CYRIB: variants seen among roughly 807,000 people sequenced by gnomAD.
CYRIB encodes CYFIP related Rac1 interactor B, also known as CYFIP-related Rac1 interactor B.
Under a neutral mutation model 44.2 loss-of-function variants are expected in CYRIB, and 8 were observed. That is an observed-to-expected ratio of 0.18 (90% CI 0.11 to 0.33). The LOEUF is 0.33. Among genes scored for constraint, CYRIB ranks in the 10% least tolerant of loss-of-function variants. The pLI is 1.00. For missense variants in CYRIB, 185 were observed against 382.8 expected, an observed-to-expected ratio of 0.48 and a Z score of 4.31; for synonymous variants, 131 against 127.2, an observed-to-expected ratio of 1.03 and a Z score of -0.20.
chr8:129,910,477 CTTTT>C (rs1171288097), intron 1 of CYRIB, among the ~76,000 whole-genome samples: 2 of 110,648 alleles, frequency 1.8e-5, no homozygotes, highest in African/African-American at 3.4e-5. Flanking sequence ...CCTTCTTTCA[CTTTT>C]TTTTTTTTTT....
At chr8:129,899,697 G>A (rs1440310067) in intron 2 of CYRIB, among the ~76,000 whole-genome samples, 1 of 152,180 alleles carries the variant, frequency 6.6e-6, no homozygotes, top group Admixed American at 6.5e-5. Flanking sequence ...ATTCAGGGAG[G>A]TAAAGGAAGA....
At chr8:130,008,861 G>A (rs1380018879) in intron 1 of CYRIB, among the ~76,000 whole-genome samples, 2 of 152,146 alleles carry the variant, frequency 1.3e-5, no homozygotes, top group Non-Finnish European at 2.9e-5. Flanking sequence ...TCACTTCCAC[G>A]TCGTCTTCTG....
chr8:129,923,524 C>G (rs1458606036), intron 1 of CYRIB, among the ~76,000 whole-genome samples: 1 of 152,096 alleles, frequency 6.6e-6, no homozygotes, highest in African/African-American at 2.4e-5. Context: ...ATCCACCCAC[C>G]TAAGCGTCCC....
chr8:129,851,484 A>C (rs1231300344), intron 8 of CYRIB: 1 of 153,364 alleles, frequency 6.5e-6, no homozygotes, highest in East Asian at 1.9e-4. Context: ...TGTTTGATGG[A>C]ATACATGTAG....
intron 1 of CYRIB, among the ~76,000 whole-genome samples, chr8:129,991,706 T>C (rs768074651): frequency 5.9e-5 from 9 of 151,894 alleles, no homozygotes; most frequent in Non-Finnish European, 1.3e-4. Context: ...TCCCAGCACT[T>C]TGGGAGGCCG....
chr8:129,856,353 G>C (rs2046216960), intron 5 of CYRIB, among the ~76,000 whole-genome samples: 1 of 152,094 alleles, frequency 6.6e-6, no homozygotes, highest in Non-Finnish European at 1.5e-5. Flanking sequence ...TGGTCCCTTT[G>C]AAATAAGTGC....
chr8:129,967,750 T>C (rs2095543126), intron 2 of CYRIB, among the ~76,000 whole-genome samples: 1 of 152,230 alleles, frequency 6.6e-6, no homozygotes, highest in African/African-American at 2.4e-5. Context: ...ACTGAGGGTA[T>C]ACCACCCTCC....
intron 1 of CYRIB, among the ~76,000 whole-genome samples, chr8:130,006,660 A>ATATATACACATATATATG (rs1564801126): frequency 1.9e-5 from 1 of 51,834 alleles, no homozygotes; most frequent in African/African-American, 1.3e-4. Context: ...ACATATATAT[A>ATATATACACATATATATG]TGTATATATA....
intron 1 of CYRIB, among the ~76,000 whole-genome samples, chr8:129,983,703 AGGGATGCGGGGACGCTGGGGACGCG>A (rs1241541000): frequency 7.2e-5 from 11 of 152,240 alleles, no homozygotes; most frequent in Non-Finnish European, 1.2e-4. Flanking sequence ...CACCAGCCAC[AGGGATGCGGGGACGCTGGGGACGCG>A]GGGATGCGGG....
chr8:129,883,405 G>A (rs913316917), intron 2 of CYRIB, among the ~76,000 whole-genome samples: 1 of 151,936 alleles, frequency 6.6e-6, no homozygotes, highest in East Asian at 1.9e-4. Context: ...GCAAAAATTC[G>A]CTCTACCACA....
At chr8:129,948,379 C>A (rs2131207864) in intron 2 of CYRIB, among the ~76,000 whole-genome samples, 1 of 152,258 alleles carries the variant, frequency 6.6e-6, no homozygotes, top group South Asian at 2.1e-4. Flanking sequence ...GCAGACCAAG[C>A]CCATGGCTCC....
At chr8:129,995,454 A>G (rs1327912165) in intron 1 of CYRIB, among the ~76,000 whole-genome samples, 2 of 152,256 alleles carry the variant, frequency 1.3e-5, no homozygotes, top group Non-Finnish European at 2.9e-5. Flanking sequence ...GCCATTCAGC[A>G]TCAGTTACAT....
intron 1 of CYRIB, among the ~76,000 whole-genome samples, chr8:129,999,922 C>T (rs2096870380): frequency 6.6e-6 from 1 of 152,234 alleles, no homozygotes; most frequent in African/African-American, 2.4e-5. Context: ...AGCCACTGCA[C>T]CCAGCCTCCC....
At chr8:130,003,657 G>A (rs1286170299) in intron 1 of CYRIB, among the ~76,000 whole-genome samples, 1 of 152,244 alleles carries the variant, frequency 6.6e-6, no homozygotes, top group Non-Finnish European at 1.5e-5. Flanking sequence ...ATTTGGGGAT[G>A]ATCAGGGAAA....
At chr8:129,991,882 C>T (rs1009627178) in intron 1 of CYRIB, among the ~76,000 whole-genome samples, 1 of 125,836 alleles carries the variant, frequency 7.9e-6, no homozygotes, top group Non-Finnish European at 1.6e-5. Flanking sequence ...ACCTGGGAGG[C>T]GGAGACTGCA....
At chr8:129,969,599 A>G (rs912992755) in intron 2 of CYRIB, among the ~76,000 whole-genome samples, 2 of 152,186 alleles carry the variant, frequency 1.3e-5, no homozygotes, top group Non-Finnish European at 2.9e-5. Flanking sequence ...AAATCCCACA[A>G]TAAGGTCTCA....
intron 4 of CYRIB, among the ~76,000 whole-genome samples, chr8:129,868,252 A>C (rs2054945908): frequency 6.6e-6 from 1 of 152,214 alleles, no homozygotes; most frequent in Admixed American, 6.5e-5. Flanking sequence ...CAACTTCTCA[A>C]CAAAAATTTC....
chr8:129,920,409 CTT>C (rs1230912015), intron 1 of CYRIB, among the ~76,000 whole-genome samples: 1 of 152,054 alleles, frequency 6.6e-6, no homozygotes, highest in Non-Finnish European at 1.5e-5. Flanking sequence ...AGTAGAAGAA[CTT>C]TATTTTTCCT....
intron 1 of CYRIB, among the ~76,000 whole-genome samples, chr8:129,922,638 C>T (rs543034139): frequency 1.3e-5 from 2 of 151,458 alleles, no homozygotes; most frequent in South Asian, 2.1e-4. Context: ...CCGAGGCGGG[C>T]GGATCACGAG....
Sources: gnomAD v4.1 joint callset for allele counts (sites outside exome capture counted in the v4.1 genomes callset) on GRCh38, gnomAD v4.1.1 for gene constraint, MANE v1.5 for transcripts, NCBI Gene and HGNC (gene_info 2026-07-23, HGNC 2026-07-21) for gene names.